PPFIA2: variants seen among roughly 807,000 people sequenced by gnomAD.
The protein encoded by PPFIA2 is liprin-alpha-2.
In PPFIA2, 46 loss-of-function variants were observed where a neutral mutation model predicts 175.5. The ratio of observed to expected loss-of-function variants is 0.26; its 90% confidence interval spans 0.21 to 0.34. The LOEUF (loss-of-function observed/expected upper bound fraction) is 0.34. Ranked by LOEUF, PPFIA2 falls within the 10% of genes least tolerant of loss-of-function variation. PPFIA2 has a pLI of 1.00. For synonymous variants in PPFIA2, 568 were observed against 511.4 expected (o/e 1.11, Z -1.49); for missense variants, 1,179 against 1,506.1 (o/e 0.78, Z 3.60).
At chr12:81,420,132 A>G (rs781043982) in intron 7 of PPFIA2, among the ~76,000 whole-genome samples, 15 of 152,172 alleles carry the variant, frequency 9.9e-5, no homozygotes, top group Non-Finnish European at 2.1e-4. Flanking sequence ...CCTTCAGAGA[A>G]GAAGCTACCA....
chr12:81,646,069 C>T (rs1027108597), intron 4 of PPFIA2, among the ~76,000 whole-genome samples: 3 of 152,196 alleles, frequency 2.0e-5, no homozygotes, highest in Admixed American at 6.5e-5. Context: ...ACAGGAGACA[C>T]TCTTACCCCT....
Position 81,284,793 on chromosome 12 carries a change from C to T in PPFIA2, c.2926-490G>A, listed in dbSNP as rs1448530254. ...AAAAAAAATGGTTGTCAATATAAAG[C>T]GGGAAGCATTATCGTAACTTATCTG... On this transcript the variant is annotated intron_variant, in intron 24 of 32. Transcript: ENST00000549396. Among the ~76,000 whole-genome samples, 4 of 152,046 alleles carry T rather than the reference C, an allele frequency of 2.6e-5. No individual in the cohort carries two copies. In the South Asian group the frequency reaches 6.2e-4, roughly 24 times the overall value.
chr12:81,348,808 T>C (rs766681065), intron 17 of PPFIA2, among the ~76,000 whole-genome samples: 2 of 152,184 alleles, frequency 1.3e-5, no homozygotes, highest in African/African-American at 2.4e-5. Context: ...CCTATTTGAA[T>C]CCTGAATTAA....
chr12:81,410,652 T>C (rs2043771732), intron 7 of PPFIA2, among the ~76,000 whole-genome samples: 1 of 152,080 alleles, frequency 6.6e-6, no homozygotes, highest in African/African-American at 2.4e-5. Flanking sequence ...ATCTTATATT[T>C]TCACTGGAGA....
At chr12:81,661,907 A>G (rs1053194382) in intron 4 of PPFIA2, among the ~76,000 whole-genome samples, 2 of 152,118 alleles carry the variant, frequency 1.3e-5, no homozygotes, top group Non-Finnish European at 2.9e-5. Context: ...ATTCAAAACC[A>G]CTCAACTACA....
At chr12:81,491,009 G>T (rs1018675354) in intron 4 of PPFIA2, among the ~76,000 whole-genome samples, 1 of 151,858 alleles carries the variant, frequency 6.6e-6, no homozygotes, top group Non-Finnish European at 1.5e-5. Flanking sequence ...GCTTTCACCT[G>T]TTCCTTTATA....
intron 21 of PPFIA2, among the ~76,000 whole-genome samples, chr12:81,327,790 G>A (rs2055136974): frequency 6.6e-6 from 1 of 151,872 alleles, no homozygotes; most frequent in South Asian, 2.1e-4. Flanking sequence ...TAAAAGCAAA[G>A]AAAAATCTAG....
intron 4 of PPFIA2, among the ~76,000 whole-genome samples, chr12:81,564,687 C>T (rs551939373): frequency 1.4e-3 from 206 of 152,226 alleles, no homozygotes; most frequent in African/African-American, 4.5e-3. Flanking sequence ...GACCCTATAC[C>T]TAATACCTTT....
At chr12:81,512,667 A>T (rs1488458084) in intron 4 of PPFIA2, among the ~76,000 whole-genome samples, 1 of 151,936 alleles carries the variant, frequency 6.6e-6, no homozygotes, top group African/African-American at 2.4e-5. Flanking sequence ...CTCAATATGT[A>T]GTCTTTTTTC....
At chr12:81,601,352 A>G (rs2059769598) in intron 4 of PPFIA2, among the ~76,000 whole-genome samples, 1 of 151,838 alleles carries the variant, frequency 6.6e-6, no homozygotes, top group South Asian at 2.1e-4. Flanking sequence ...CCTGGTAGCA[A>G]TAGGAAAGGT....
intron 28 of PPFIA2, among the ~76,000 whole-genome samples, chr12:81,269,487 T>G (rs2038427344): frequency 6.6e-6 from 1 of 152,230 alleles, no homozygotes; most frequent in Non-Finnish European, 1.5e-5. Flanking sequence ...TCTAAATAAT[T>G]ATTTTGATGA....
At chr12:81,468,106 A>G (rs1355887252) in intron 4 of PPFIA2, among the ~76,000 whole-genome samples, 1 of 152,202 alleles carries the variant, frequency 6.6e-6, no homozygotes, top group Non-Finnish European at 1.5e-5. Flanking sequence ...AGAAAAAAAT[A>G]AAACAAAACC....
intron 8 of PPFIA2, among the ~76,000 whole-genome samples, chr12:81,400,496 A>G (rs1392365878): frequency 6.6e-6 from 1 of 152,152 alleles, no homozygotes; most frequent in Non-Finnish European, 1.5e-5. Context: ...TATTCTTGCC[A>G]CTGATTCTTC....
chr12:81,665,147 T>G, intron 4 of PPFIA2, among the ~76,000 whole-genome samples: 1 of 151,972 alleles, frequency 6.6e-6, no homozygotes, highest in East Asian at 1.9e-4. Flanking sequence ...GTAACAAACC[T>G]GCACGTTGTG....
At chr12:81,672,308 G>A (rs756494498) in intron 4 of PPFIA2, among the ~76,000 whole-genome samples, 1 of 151,850 alleles carries the variant, frequency 6.6e-6, no homozygotes, top group African/African-American at 2.4e-5. Context: ...AATCAGTTTT[G>A]TAGATTTTTA....
At chr12:81,497,538 T>C (rs1033730359) in intron 4 of PPFIA2, among the ~76,000 whole-genome samples, 2 of 145,458 alleles carry the variant, frequency 1.4e-5, no homozygotes, top group Non-Finnish European at 3.0e-5. Flanking sequence ...GTCTTTTTTT[T>C]TTTTTTTTTT....
chr12:81,674,573 C>T (rs2072083928), intron 4 of PPFIA2, among the ~76,000 whole-genome samples: 1 of 151,950 alleles, frequency 6.6e-6, no homozygotes, highest in Non-Finnish European at 1.5e-5. Flanking sequence ...TAGGCTGAAG[C>T]AGGAGAACCC....
chr12:81,326,961 C>T (rs1367313607), intron 21 of PPFIA2, among the ~76,000 whole-genome samples: 2 of 152,074 alleles, frequency 1.3e-5, no homozygotes, highest in African/African-American at 4.8e-5. Flanking sequence ...GTAGTGGACA[C>T]TTCCTTACTT....
intron 7 of PPFIA2, among the ~76,000 whole-genome samples, chr12:81,407,106 T>C (rs910250301): frequency 6.6e-6 from 1 of 152,208 alleles, no homozygotes; most frequent in Non-Finnish European, 1.5e-5. Context: ...CTTACTCTTG[T>C]TCATCTACAA....
Sources: gnomAD v4.1 joint callset for allele counts (sites outside exome capture counted in the v4.1 genomes callset) on GRCh38, gnomAD v4.1.1 for gene constraint, MANE v1.5 for transcripts, NCBI Gene and HGNC (gene_info 2026-07-23, HGNC 2026-07-21) for gene names.